SHANK2: variants seen among roughly 807,000 people sequenced by gnomAD.
SHANK2 encodes the protein SH3 and multiple ankyrin repeat domains protein 2.
A neutral mutation model predicts 133.7 loss-of-function variants in SHANK2; 43 were observed. The ratio of observed to expected loss-of-function variants is 0.32; its 90% CI spans 0.25 to 0.41. SHANK2 has a LOEUF of 0.41. Ranked by LOEUF, SHANK2 falls within the 10% of genes least tolerant of loss-of-function variation. The probability of loss-of-function intolerance (pLI) is 1.00; values close to 1 mark genes in which losing one functional copy is unlikely to be tolerated. For synonymous variants in SHANK2, 1,017 were observed against 952.8 expected (o/e 1.07, Z -1.24); for missense variants, 1,994 against 2,235.8 (o/e 0.89, Z 2.18).
intron 17 of SHANK2, among the ~76,000 whole-genome samples, chr11:70,558,442 T>C (rs529631746): frequency 1.3e-5 from 2 of 152,338 alleles, no homozygotes; most frequent in East Asian, 3.9e-4. Flanking sequence ...TTCAAGACAG[T>C]GCCTGGACAG....
Position 70,897,941 on chromosome 11 carries a change from T to TACACAC in SHANK2, c.1108-1380_1108-1375dup, listed in dbSNP as rs142602596. On this transcript the variant is annotated intron_variant, in intron 10 of 25. Coordinates refer to ENST00000601538, the MANE Select transcript of SHANK2 (RefSeq NM_012309.5). ...TCTGAAATGTCTCATAATATACATA[T>TACACAC]ACACACACACACACACACACTTTTT... 3.4e-3 allele frequency among the ~76,000 whole-genome samples: 509 copies of TACACAC among 149,274 alleles called. 3 individuals are homozygous for TACACAC. Among genetic ancestry groups the TACACAC allele is most frequent in the African/African-American group, 0.012 (493 of 40,260 alleles).
chr11:70,921,655 T>C lies in SHANK2; in HGVS notation c.1108-25088A>G, dbSNP rs183884844. ...GCTGGTAAGCACACGAGGCTCTCAC[T>C]TGAAAGTGCTGAGGGCTACAATCTA... On this transcript the variant is annotated intron_variant, in intron 10 of 25. Coordinates refer to ENST00000601538, the MANE Select transcript of SHANK2 (RefSeq NM_012309.5). Among the ~76,000 whole-genome samples, 155 of 152,336 alleles carry C rather than the reference T, an allele frequency of 1.0e-3. 1 individual carries two copies. Among genetic ancestry groups the C allele is most frequent in the Middle Eastern group, 6.8e-3 (2 of 294 alleles).
At chr11:70,822,800 T>C (rs796745853) in intron 11 of SHANK2, among the ~76,000 whole-genome samples, 12 of 88,676 alleles carry the variant, frequency 1.4e-4, no homozygotes, top group African/African-American at 4.4e-4. Flanking sequence ...CTGGCAGAGC[T>C]CATAGGGGAC....
At chr11:71,106,571 G>A (rs1951804373) in intron 6 of SHANK2, among the ~76,000 whole-genome samples, 1 of 152,236 alleles carries the variant, frequency 6.6e-6, no homozygotes, top group South Asian at 2.1e-4. Flanking sequence ...GGGAAACATG[G>A]TCAGGTCTTT....
At chr11:70,642,407 G>A (rs2061196116) in intron 17 of SHANK2, among the ~76,000 whole-genome samples, 1 of 152,254 alleles carries the variant, frequency 6.6e-6, no homozygotes, top group Non-Finnish European at 1.5e-5. Context: ...CAACCAGTGA[G>A]TGACAGAGGG....
At chr11:70,749,332 A>C (rs1191908912) in intron 14 of SHANK2, among the ~76,000 whole-genome samples, 1 of 152,226 alleles carries the variant, frequency 6.6e-6, no homozygotes, top group Non-Finnish European at 1.5e-5. Context: ...GGCACAAAGG[A>C]GTGGAGCAAA....
At chr11:70,572,105 C>A (rs1189697650) in intron 17 of SHANK2, among the ~76,000 whole-genome samples, 1 of 152,232 alleles carries the variant, frequency 6.6e-6, no homozygotes, top group Non-Finnish European at 1.5e-5. Flanking sequence ...TCGCCAGAAT[C>A]CGGCCCTGCC....
chr11:70,477,764 C>T (rs1555150511), intron 25 of SHANK2, among the ~76,000 whole-genome samples: 4 of 152,182 alleles, frequency 2.6e-5, no homozygotes, highest in Admixed American at 6.5e-5. Flanking sequence ...AGAAAGTAAC[C>T]GCCTGTGAGT....
intron 9 of SHANK2, among the ~76,000 whole-genome samples, chr11:71,073,616 T>C (rs1951179135): frequency 6.6e-6 from 1 of 152,232 alleles, no homozygotes. Context: ...CACAGGCACA[T>C]GCCACCATAC....
intron 11 of SHANK2, among the ~76,000 whole-genome samples, chr11:70,890,486 A>C (rs1361063349): frequency 1.4e-4 from 3 of 21,756 alleles, no homozygotes; most frequent in African/African-American, 1.8e-4. Context: ...TAAAAAAAAA[A>C]ACAAAAAAAA....
At position 70,706,841 on chromosome 11, in the gene SHANK2, G is replaced by C. The variant is rs1330353466; in HGVS notation, c.1778-8078C>G. Among the ~76,000 whole-genome samples, 10 of 152,114 alleles carry C rather than the reference G, an allele frequency of 6.6e-5. No homozygotes were observed. In the East Asian group the frequency reaches 1.9e-3, roughly 29 times the overall value. ...CAGATTGCATGACAAGCTTCAGACTGTCAGCATTTAAAATAGACCTTTAAG... is the reference window on the plus strand; with the variant it reads ...CAGATTGCATGACAAGCTTCAGACTCTCAGCATTTAAAATAGACCTTTAAG... On this transcript the variant is annotated intron_variant, in intron 14 of 25. Transcript: ENST00000601538.
At chr11:71,101,371 T>C (rs911981328) in intron 6 of SHANK2, among the ~76,000 whole-genome samples, 13 of 152,140 alleles carry the variant, frequency 8.5e-5, no homozygotes, top group African/African-American at 2.7e-4. Context: ...AGTGTGTACA[T>C]AGAAAAACCC....
intron 17 of SHANK2, among the ~76,000 whole-genome samples, chr11:70,618,549 G>A (rs1452627845): frequency 6.6e-6 from 1 of 152,146 alleles, no homozygotes; most frequent in Non-Finnish European, 1.5e-5. Context: ...TCACCTGCAG[G>A]TGATGTGCAT....
intron 14 of SHANK2, among the ~76,000 whole-genome samples, chr11:70,721,427 C>T (rs558684917): frequency 2.7e-4 from 41 of 152,334 alleles, no homozygotes; most frequent in African/African-American, 8.7e-4. Context: ...TGGGGCAGGC[C>T]GTGTGTACAG....
rs72935470 is a variant in SHANK2 at position 70,776,445 on chromosome 11, C to G, written c.1777+21998G>C. On this transcript the variant is annotated intron_variant, in intron 14 of 25. Coordinates refer to ENST00000601538, the MANE Select transcript of SHANK2 (RefSeq NM_012309.5). ...TAACACTCTCTAGGGGCCAAAGACT[C>G]GAAGACAACCTGGCCTGGGATGCCA... Among the ~76,000 whole-genome samples the G allele has an allele frequency of 7.2e-3, 1,091 of 152,266 alleles. 7 individuals are homozygous for G. Among genetic ancestry groups the G allele is most frequent in the Non-Finnish European group, 0.011 (773 of 68,016 alleles).
intron 17 of SHANK2, among the ~76,000 whole-genome samples, chr11:70,616,840 C>T (rs2060749535): frequency 1.3e-5 from 2 of 152,174 alleles, no homozygotes; most frequent in Non-Finnish European, 2.9e-5. Context: ...CGGGGCGTCC[C>T]CCGACAGGGG....
chr11:70,771,292 G>A (rs76165209), intron 14 of SHANK2, among the ~76,000 whole-genome samples: 5 of 152,146 alleles, frequency 3.3e-5, no homozygotes, highest in Non-Finnish European at 7.4e-5. Context: ...GGAGTGACGG[G>A]CTCTTTCAGA....
chr11:70,884,282 C>T (rs1028505620), intron 11 of SHANK2, among the ~76,000 whole-genome samples: 17 of 152,314 alleles, frequency 1.1e-4, no homozygotes, highest in African/African-American at 2.4e-4. Flanking sequence ...TCCTGCAATG[C>T]GTGGAACGGG....
chr11:70,907,696 G>A (rs1950127064), intron 10 of SHANK2: 1 of 253,698 alleles, frequency 3.9e-6, no homozygotes, highest in Non-Finnish European at 8.1e-6. Context: ...CATCGCATTA[G>A]CAGATAAGCA....
Sources: gnomAD v4.1 joint callset for allele counts (sites outside exome capture counted in the v4.1 genomes callset) on GRCh38, gnomAD v4.1.1 for gene constraint, MANE v1.5 for transcripts, NCBI Gene and HGNC (gene_info 2026-07-23, HGNC 2026-07-21) for gene names.